Variants in CCDC88A observed in about 807,000 individuals in gnomAD.
CCDC88A encodes coiled-coil and HOOK domain protein 88A, also known as girdin.
In CCDC88A, 54 loss-of-function variants were observed where a neutral mutation model predicts 234.3. The ratio of observed to expected loss-of-function variants is 0.23; its 90% CI spans 0.19 to 0.29. The LOEUF (loss-of-function observed/expected upper bound fraction) is 0.29, where lower values mean the gene tolerates loss of function less well. Ranked by LOEUF, CCDC88A falls within the 10% of genes least tolerant of loss-of-function variation. The pLI is 1.00. For missense variants in CCDC88A, 1,832 were observed against 2,123.4 expected, an observed-to-expected ratio of 0.86 and a Z score of 2.70; for synonymous variants, 753 against 737.8, an observed-to-expected ratio of 1.02 and a Z score of -0.33.
intron 2 of CCDC88A, among the ~76,000 whole-genome samples, chr2:55,416,492 A>C (rs1454418): frequency 0.74 from 46,815 of 63,286 alleles, 17,225 homozygotes; most frequent in Admixed American, 0.83. Flanking sequence ...ATATATGTAT[A>C]TATTTTCTTC....
At chr2:55,392,912 T>C (rs1022271302) in intron 2 of CCDC88A, among the ~76,000 whole-genome samples, 1 of 152,202 alleles carries the variant, frequency 6.6e-6, no homozygotes, top group Admixed American at 6.5e-5. Context: ...TACTATAGCT[T>C]ATTACTATAG....
At chr2:55,310,684 C>A (rs1342027353) in intron 23 of CCDC88A, among the ~76,000 whole-genome samples, 1 of 152,112 alleles carries the variant, frequency 6.6e-6, no homozygotes, top group African/African-American at 2.4e-5. Context: ...GAAGAACTAA[C>A]TTGAGAGATT....
chr2:55,366,520 C>G (rs1671975668), intron 5 of CCDC88A, among the ~76,000 whole-genome samples: 1 of 142,528 alleles, frequency 7.0e-6, no homozygotes, highest in Non-Finnish European at 1.5e-5. Context: ...GAGCAAGACT[C>G]TGTCACACAC....
Position 55,299,870 on chromosome 2 carries a change from G to A in CCDC88A, c.4794C>T (p.Ser1598=). 6.2e-7 allele frequency: 1 copy of A among 1,613,076 alleles called. No homozygotes were observed. The highest frequency in any genetic ancestry group is 8.5e-7 in the Non-Finnish European group (1 of 1,179,230). ...CTTCATGTAGTGAAGCATTATTATT[G>A]CTATTGCTAGTGGATGTTCTGCCAC... The part of the protein sequence containing the change: ...LDSGRTSTSN[S]NNNASLHEVK... The change falls in exon 29 of 33, where the codon AGC becomes AGT. Residue 1598 remains serine, a synonymous_variant. Coordinates refer to ENST00000436346, the MANE Select transcript of CCDC88A (RefSeq NM_001365480.1).
intron 21 of CCDC88A, 140 bp from the exon 22 acceptor site, chr2:55,316,254 A>T: frequency 2.4e-6 from 1 of 408,710 alleles, no homozygotes; most frequent in African/African-American, 2.0e-5. Flanking sequence ...ACTTATCAAA[A>T]ATCAGTTTCT....
intron 7 of CCDC88A, among the ~76,000 whole-genome samples, chr2:55,361,698 A>G (rs1240670181): frequency 6.6e-6 from 1 of 152,200 alleles, no homozygotes; most frequent in Non-Finnish European, 1.5e-5. Context: ...ACCCACCACC[A>G]CACGCACTAA....
Position 55,303,129 on chromosome 2 carries a change from A to C in CCDC88A, c.4411T>G (p.Phe1471Val). 6.4e-7 allele frequency: 1 copy of C among 1,551,482 alleles called. No individual in the cohort carries two copies. The highest frequency in any genetic ancestry group is 8.7e-7 in the Non-Finnish European group (1 of 1,146,564). ...TTATCCTTCGGTCTGTTCCTCAAAA[A>C]GGGCAGTCTTTTCAGTGCAACCACT... ...SSMVALKRLP[F>V]LRNRPKDKDK... Residue 1471 changes from phenylalanine to valine, a missense_variant, in exon 26 of 33, where the codon TTT becomes GTT. Physicochemically the swap from Phe to Val is conservative, Grantham distance 50. This residue lies in a region of CCDC88A where 1,282 missense variants were observed against 1,543.6 expected (regional missense o/e 0.83). Transcript: ENST00000436346.
At chr2:55,402,080 A>G (rs926553796) in intron 2 of CCDC88A, among the ~76,000 whole-genome samples, 1 of 151,362 alleles carries the variant, frequency 6.6e-6, no homozygotes, top group Non-Finnish European at 1.5e-5. Flanking sequence ...ACCCCTTTTT[A>G]CTCTTTAAAA....
chr2:55,393,291 T>TTG (rs1676969413), intron 2 of CCDC88A, among the ~76,000 whole-genome samples: 1 of 111,400 alleles, frequency 9.0e-6, no homozygotes, highest in Non-Finnish European at 1.8e-5. Context: ...TTTTTTGGGT[T>TTG]TTTTTTTTTT....
chr2:55,401,554 T>A (rs1678704196), intron 2 of CCDC88A, among the ~76,000 whole-genome samples: 1 of 40,250 alleles, frequency 2.5e-5, no homozygotes, highest in Non-Finnish European at 8.9e-5. Flanking sequence ...TCAACTTAAT[T>A]TCTCCCCCCC....
At chr2:55,385,294 G>C (rs1558790657) in intron 3 of CCDC88A, among the ~76,000 whole-genome samples, 2 of 151,974 alleles carry the variant, frequency 1.3e-5, no homozygotes, top group Non-Finnish European at 2.9e-5. Context: ...AAAATGAAAA[G>C]GTAATGTAAA....
rs763392483 is a variant in CCDC88A, at chr2:55,334,119, A to G, written c.2702T>C (p.Ile901Thr). The G allele has an allele frequency of 5.3e-6, 7 of 1,318,034 alleles. No homozygotes were observed. The highest frequency in any genetic ancestry group is 6.8e-6 in the Non-Finnish European group (7 of 1,024,108). The allele number at this position is 1,318,034 out of a possible 1,614,324, so 81.6% of individuals were successfully genotyped here. The change falls in exon 15 of 33, where the codon ATA becomes ACA. Residue 901 changes from isoleucine to threonine, a missense_variant. Transcript: ENST00000436346. The surrounding 1 kb of genome is among the most constrained non-coding windows in gnomAD (Gnocchi z 6.1). ...CTCACGTAGTGTAACCAACGTTTTT[A>G]TATCAATAGTTGCTCTTTTCACAAG... The part of the protein sequence containing the change: ...KELVKRATID[I>T]KTLVTLREDL...
intron 3 of CCDC88A, among the ~76,000 whole-genome samples, chr2:55,379,884 G>C (rs1366724801): frequency 1.3e-5 from 2 of 151,744 alleles, no homozygotes; most frequent in African/African-American, 4.8e-5. Flanking sequence ...TCGCACTCCA[G>C]CCAAGGCAAC....
At position 55,312,565 on chromosome 2, in the gene CCDC88A, A is replaced by AAAC; in HGVS notation, c.3947_3948insGTT (p.Leu1316_Lys1317insPhe). ...GATTTTCTTCTTCTAAATTTCCTTT[A>AAAC]AGTTGGCTTAGCAACTGTTTAAACA... On this transcript the variant is annotated inframe_insertion, in exon 23 of 33. Coordinates refer to ENST00000436346, the MANE Select transcript of CCDC88A (RefSeq NM_001365480.1). 1 of 1,609,590 alleles carries AAAC rather than the reference A, an allele frequency of 6.2e-7. No homozygotes were observed. Among genetic ancestry groups the AAAC allele is most frequent in the Non-Finnish European group, 8.5e-7 (1 of 1,177,832 alleles).
At chr2:55,360,958 G>A (rs950724861) in intron 7 of CCDC88A, among the ~76,000 whole-genome samples, 6 of 152,216 alleles carry the variant, frequency 3.9e-5, no homozygotes, top group East Asian at 1.9e-4. Context: ...GCGTGGTGGC[G>A]CGTGCCTGTA....
Position 55,301,999 on chromosome 2 carries a change from A to G in CCDC88A, c.4545T>C (p.Pro1515=). 1.9e-6 allele frequency: 3 copies of G among 1,614,090 alleles called. No homozygotes were observed. The highest frequency in any genetic ancestry group is 2.5e-6 in the Non-Finnish European group (3 of 1,179,904). Reference sequence around the variant, plus strand: ...TCCTTTTACCCGTTGAAATATCATCAGGAACCTCCAAATTCTCAGTACTAC... The same window carrying G: ...TCCTTTTACCCGTTGAAATATCATCGGGAACCTCCAAATTCTCAGTACTAC... The part of the protein sequence containing the change: ...WTGSTENLEV[P]DDISTGKRRK... Residue 1515 remains proline (P), a synonymous_variant, in exon 27 of 33, where the codon CCT becomes CCC. Coordinates refer to ENST00000436346, the MANE Select transcript of CCDC88A (RefSeq NM_001365480.1).
rs1346612192 is a variant in CCDC88A at position 55,288,606 on chromosome 2, C to A, written c.*2594G>T. The A allele has an allele frequency of 1.3e-5, 2 of 152,552 alleles. No individual in the cohort carries two copies. Among genetic ancestry groups the A allele is most frequent in the Non-Finnish European group, 2.9e-5 (2 of 68,004 alleles). The allele number at this position is 152,552 out of a possible 1,614,324, so 9.4% of individuals were successfully genotyped here. A position where few individuals can be genotyped will look rare whatever the true frequency, so the allele number is the denominator to read the frequency against. ...TTGCATGAAAGGTGCTACATACAAA[C>A]CTGTTTTGTGAACTCTTTGGTAACC... On this transcript the variant is annotated 3_prime_UTR_variant, in exon 33 of 33. Transcript: ENST00000436346.
rs566479116 is a variant in CCDC88A, at chr2:55,309,670, C to T, written c.4080-416G>A. ...TGCATGAGTCATCGCATCCTAGTCT[C>T]ATTGTTATATTCTCAGTAGTATTTA... is the stretch of plus-strand genomic sequence containing the variant. On this transcript the variant is annotated intron_variant, in intron 23 of 32. Transcript: ENST00000436346. This position sits in a 1 kb window ranked among gnomAD's most constrained non-coding sequence, Gnocchi z 5.1. Among the ~76,000 whole-genome samples, 1 of 152,228 alleles carries T rather than the reference C, an allele frequency of 6.6e-6. No homozygotes were observed. Among genetic ancestry groups the T allele is most frequent in the Non-Finnish European group, 1.5e-5 (1 of 68,006 alleles).
chr2:55,295,776 C>A lies in CCDC88A; in HGVS notation c.5372G>T (p.Arg1791Leu), dbSNP rs757289917. Reference protein sequence around the residue: ...IKLVKESSLSRQSKDSNPYAT... With the variant: ...IKLVKESSLSLQSKDSNPYAT... The stretch of plus-strand genomic sequence containing the variant: ...ATAAGGGTTACTATCTTTTGATTGT[C>A]GTGACAGAGAAGATTCTTTTACTAA... Residue 1791 changes from arginine to leucine, a missense_variant, in exon 31 of 33, where the codon CGA becomes CTA. Physicochemically the swap from Arg to Leu is moderately radical, Grantham distance 102. This residue lies in a region of CCDC88A where 422 missense variants were observed against 416.5 expected (regional missense o/e 1.01). Coordinates refer to ENST00000436346, the MANE Select transcript of CCDC88A (RefSeq NM_001365480.1). The A allele has an allele frequency of 2.1e-5, 34 of 1,614,040 alleles. No homozygotes were observed. Among genetic ancestry groups the A allele is most frequent in the Non-Finnish European group, 2.9e-5 (34 of 1,180,040 alleles).
Sources: allele counts gnomAD v4.1 joint callset (sites outside exome capture counted in the v4.1 genomes callset), GRCh38; gene constraint gnomAD v4.1.1; regional missense constraint gnomAD v4.1.1; non-coding constraint Gnocchi (gnomAD v3.1); transcripts MANE v1.5; gene names NCBI Gene and HGNC (gene_info 2026-07-23, HGNC 2026-07-21).